Variants in ENTPD4 observed in about 807,000 individuals in gnomAD.
The protein encoded by ENTPD4 is ectonucleoside triphosphate diphosphohydrolase 4, also known as Golgi UDPase.
A neutral mutation model predicts 79.1 loss-of-function variants in ENTPD4; 60 were observed. The observed-to-expected ratio is 0.76, with a 90% CI of 0.62 to 0.94. The LOEUF (loss-of-function observed/expected upper bound fraction) is 0.94. ENTPD4 is among the 40% of genes least tolerant of loss of function. The probability of loss-of-function intolerance (pLI) is 0.00; values close to 1 mark genes in which losing one functional copy is unlikely to be tolerated. For missense variants in ENTPD4, 772 were observed against 775.1 expected (o/e 1.00, Z 0.05); for synonymous variants, 276 against 292.0 (o/e 0.95, Z 0.56).
chr8:23,446,080 A>C (rs929140133), intron 4 of ENTPD4, among the ~76,000 whole-genome samples: 1 of 152,202 alleles, frequency 6.6e-6, no homozygotes, highest in African/African-American at 2.4e-5. Flanking sequence ...CCTATTAAGA[A>C]ATTTCTAGAG....
Position 23,441,554 on chromosome 8 carries a change from T to C in ENTPD4, c.882+15A>G. 1 of 1,608,204 alleles carries C rather than the reference T, an allele frequency of 6.2e-7. No individual in the cohort carries two copies. The highest frequency in any genetic ancestry group is 1.1e-5 in the South Asian group (1 of 90,398). ...AAACCAAACCAAACAGAAGGAAATT[T>C]GTACAGATAATGACCTGCTGTGAGG... On this transcript the variant is annotated intron_variant, in intron 8 of 12. Transcript: ENST00000358689.
rs542616433 is a variant in ENTPD4, at chr8:23,431,461, C to T, written c.*1465G>A. ...ACTAAATAAATAGGTGAAAAAACAC[C>T]AATCTCACATATGCCAATCCAATTG... On this transcript the variant is annotated 3_prime_UTR_variant, in exon 13 of 13. Transcript: ENST00000358689. 1 of 985,332 alleles carries T rather than the reference C, an allele frequency of 1.0e-6. No individual in the cohort carries two copies. The highest frequency in any genetic ancestry group is 6.1e-5 in the Admixed American group (1 of 16,278). The allele number at this position is 985,332 out of a possible 1,614,324, so 61.0% of individuals were successfully genotyped here. A position where few individuals can be genotyped will look rare whatever the true frequency, so the allele number is the denominator to read the frequency against.
At position 23,448,930 on chromosome 8, in the gene ENTPD4, G is replaced by T; in HGVS notation, c.18C>A (p.Ile6=). ...GCCAAGAAGCAGGAAAAAGACAGGA[G>T]ATGCCAATCCTGAAATTAGAAGGAA... The part of the protein sequence containing the change: MGRIG[I]SCLFPASWHF... Residue 6 remains isoleucine (I), a synonymous_variant, in exon 3 of 13, where the codon ATC becomes ATA. Transcript: ENST00000358689. 1 of 1,613,142 alleles carries T rather than the reference G, an allele frequency of 6.2e-7. No individual in the cohort carries two copies.
chr8:23,457,622 C>CTTCCTGGAGGCCGCGCTCCT lies in ENTPD4; in HGVS notation c.-183_-164dup, dbSNP rs899317046. 6.6e-6 allele frequency: 1 copy of CTTCCTGGAGGCCGCGCTCCT among 151,860 alleles called. No individual in the cohort carries two copies. The highest frequency in any genetic ancestry group is 2.4e-5 in the African/African-American group (1 of 41,418). 9.4% of individuals were successfully genotyped at this position (151,860 alleles called of 1,614,324 possible). On this transcript the variant is annotated 5_prime_UTR_variant, in exon 1 of 13. Transcript: ENST00000358689. ...AGTGGGCAGCATCACGGCCAGCCGGCTTCCTGGAGGCCGCGCTCCTTTCCT... is the reference window on the plus strand; with the variant it reads ...AGTGGGCAGCATCACGGCCAGCCGGCTTCCTGGAGGCCGCGCTCCTTTCCTGGAGGCCGCGCTCCTTTCCT...
chr8:23,435,399 T>C lies in ENTPD4; in HGVS notation c.1453A>G (p.Arg485Gly), dbSNP rs745804260. The C allele has an allele frequency of 1.2e-6, 2 of 1,612,452 alleles. No homozygotes were observed. The highest frequency in any genetic ancestry group is 1.3e-5 in the African/African-American group (1 of 74,872). ...GLYASHADLH[R>G]LKYQCFKSAW... The stretch of plus-strand genomic sequence containing the variant: ...TGACCTTCTAGTACTTACTTAAGCC[T>C]GTGGAGGTCAGCATGAGAGGCGTAC... Residue 485 changes from arginine to glycine, a missense_variant, in exon 11 of 13, where the codon AGG becomes GGG. Coordinates refer to ENST00000358689, the MANE Select transcript of ENTPD4 (RefSeq NM_004901.5).
intron 4 of ENTPD4, 31 bp from the exon 5 acceptor site, chr8:23,444,637 C>A: frequency 6.2e-7 from 1 of 1,604,510 alleles, no homozygotes; most frequent in Middle Eastern, 1.7e-4. Context: ...AGTTAAGAAG[C>A]AGATATTTTA....
At chr8:23,434,551 A>G (rs1800521844) in intron 11 of ENTPD4, 73 bp from the exon 12 acceptor site, 8 of 1,580,778 alleles carry the variant, frequency 5.1e-6, no homozygotes, top group Admixed American at 1.7e-5. Context: ...ACACACACAC[A>G]CAATCCTTCC....
rs780208873 is a variant in ENTPD4, at chr8:23,436,996, T to C, written c.1312A>G (p.Thr438Ala). 6.2e-6 allele frequency: 10 copies of C among 1,613,802 alleles called. No individual in the cohort carries two copies. Residue 438 changes from threonine (T) to alanine (A), a missense_variant, in exon 10 of 13, where the codon ACC becomes GCC. Transcript: ENST00000358689. ...FYGFSEFYYC[T>A]EDVLRMGGDY... ...CCCCCCATTCGTAACACATCCTCGGTGCAGTAGTAGAATTCGGAGAAGCCA... is the reference window on the plus strand; with the variant it reads ...CCCCCCATTCGTAACACATCCTCGGCGCAGTAGTAGAATTCGGAGAAGCCA...
Position 23,441,593 on chromosome 8 carries a change from AG to A in ENTPD4, c.857del (p.Thr286MetfsTer2). 1 of 1,614,154 alleles carries A rather than the reference AG, an allele frequency of 6.2e-7. No individual in the cohort carries two copies. The highest frequency in any genetic ancestry group is 8.5e-7 in the Non-Finnish European group (1 of 1,180,010). The part of the protein sequence containing the change: ...STQIAYEVPK[T>X]VSFASSQQEE... ...CCTGCTGTGAGGACGCAAAGCTTAC[AG>A]TTTTGGGGACTTCGTACGCTATCTG... On this transcript the variant is annotated frameshift_variant, in exon 8 of 13. Transcript: ENST00000358689. LOFTEE classifies it high-confidence loss of function.
intron 1 of ENTPD4, among the ~76,000 whole-genome samples, chr8:23,456,240 C>G (rs896999962): frequency 6.6e-6 from 1 of 152,208 alleles, no homozygotes; most frequent in African/African-American, 2.4e-5. Flanking sequence ...TCTCTCTCTT[C>G]TCTCCCACAC....
intron 9 of ENTPD4, among the ~76,000 whole-genome samples, chr8:23,439,535 A>G (rs1297817992): frequency 6.6e-6 from 1 of 152,204 alleles, no homozygotes; most frequent in Non-Finnish European, 1.5e-5. Flanking sequence ...GAGCGCACGC[A>G]CACACCTCCT....
rs2117268554 is a variant in ENTPD4, at chr8:23,430,747, C to T, written c.*2179G>A. The T allele has an allele frequency of 1.0e-6, 1 of 985,640 alleles. No homozygotes were observed. The highest frequency in any genetic ancestry group is 6.1e-5 in the Admixed American group (1 of 16,288). The allele number at this position is 985,640 out of a possible 1,614,324, so 61.1% of individuals were successfully genotyped here. On this transcript the variant is annotated 3_prime_UTR_variant, in exon 13 of 13. Coordinates refer to ENST00000358689, the MANE Select transcript of ENTPD4 (RefSeq NM_004901.5). ...GTCCCCTAACTCCCTGGGTGCCCAC[C>T]TGCCCACTTCAACCATTTGTGGCCC...
intron 12 of ENTPD4, 26 bp from the exon 13 acceptor site, chr8:23,433,180 A>C: frequency 6.2e-7 from 1 of 1,600,116 alleles, no homozygotes; most frequent in Non-Finnish European, 8.6e-7. Context: ...CCAAACAACA[A>C]ACAGGACAGT....
At chr8:23,451,242 G>A (rs1051743972) in intron 1 of ENTPD4, among the ~76,000 whole-genome samples, 2 of 151,952 alleles carry the variant, frequency 1.3e-5, no homozygotes, top group Admixed American at 6.5e-5. Flanking sequence ...GGCTGGTCTC[G>A]AGCCCCTGAC....
chr8:23,450,108 C>T, intron 1 of ENTPD4, 111 bp from the exon 2 acceptor site: 1 of 610,578 alleles, frequency 1.6e-6, no homozygotes, highest in Non-Finnish European at 2.9e-6. Context: ...ATGATCCTTG[C>T]ACTGAAGCTG....
chr8:23,438,999 CAAAT>C (rs1800621002), intron 9 of ENTPD4, among the ~76,000 whole-genome samples: 1 of 151,978 alleles, frequency 6.6e-6, no homozygotes, highest in Non-Finnish European at 1.5e-5. Flanking sequence ...TCAAAATAAA[CAAAT>C]AAAACACAGT....
In ENTPD4 at chr8:23,432,909, T is replaced by G. The variant is rs752151301; in HGVS notation, c.*17A>C. 7.7e-6 allele frequency: 12 copies of G among 1,565,256 alleles called. No homozygotes were observed. The highest frequency in any genetic ancestry group is 5.2e-6 in the Non-Finnish European group (6 of 1,152,874). On this transcript the variant is annotated 3_prime_UTR_variant, in exon 13 of 13. Transcript: ENST00000358689. Reference sequence around the variant, plus strand: ...AATGGCTTTTCCTTTTGAGTCTTCGTGGAGCTGTGAGCTGGATCACAAGGT... The same window carrying G: ...AATGGCTTTTCCTTTTGAGTCTTCGGGGAGCTGTGAGCTGGATCACAAGGT...
intron 10 of ENTPD4, 99 bp downstream of exon 10, chr8:23,436,835 T>G: frequency 4.1e-6 from 4 of 978,700 alleles, no homozygotes; most frequent in Non-Finnish European, 6.1e-6. Flanking sequence ...CCTTCTATAC[T>G]CCGTCTTTCC....
rs377220377 is a variant in ENTPD4, at chr8:23,447,835, T to C, written c.257A>G (p.Asn86Ser). The part of the protein sequence containing the change: ...DIEATDTNNP[N>S]VNYGIVVDCG... The stretch of plus-strand genomic sequence containing the variant: ...GTCCACCACGATCCCATAGTTCACA[T>C]TGGGGTTATTGGTGTCTGTAGCTTC... Residue 86 changes from asparagine (N) to serine (S), a missense_variant, in exon 4 of 13, where the codon AAT (asparagine) becomes AGT (serine). By Grantham distance (46) the Asn-to-Ser change is conservative. Coordinates refer to ENST00000358689, the MANE Select transcript of ENTPD4 (RefSeq NM_004901.5). The C allele has an allele frequency of 1.2e-5, 20 of 1,614,050 alleles. No individual in the cohort carries two copies. The highest frequency in any genetic ancestry group is 2.7e-5 in the African/African-American group (2 of 74,932).
Sources: allele counts gnomAD v4.1 joint callset (sites outside exome capture counted in the v4.1 genomes callset), GRCh38; gene constraint gnomAD v4.1.1; transcripts MANE v1.5; gene names NCBI Gene and HGNC (gene_info 2026-07-23, HGNC 2026-07-21).